Variants in TBX18 observed in about 807,000 individuals in gnomAD.
TBX18 encodes the protein T-box transcription factor TBX18.
In TBX18, 21 loss-of-function variants were observed where a neutral mutation model predicts 55.0. The observed-to-expected ratio is 0.38, with a 90% confidence interval of 0.27 to 0.55. The LOEUF (loss-of-function observed/expected upper bound fraction) is 0.55, where lower values mean the gene tolerates loss of function less well. Ranked by LOEUF, TBX18 falls within the 20% of genes least tolerant of loss-of-function variation. The pLI is 0.73. For missense variants in TBX18, 840 were observed against 799.6 expected (o/e 1.05, Z -0.61); for synonymous variants, 342 against 326.1 (o/e 1.05, Z -0.53).
chr6:84,736,533 C>T lies in TBX18; in HGVS notation c.*152G>A, dbSNP rs1773948058. 1.2e-6 allele frequency: 1 copy of T among 813,572 alleles called. No individual in the cohort carries two copies. The highest frequency in any genetic ancestry group is 1.8e-6 in the Non-Finnish European group (1 of 552,534). 50.4% of individuals were successfully genotyped at this position (813,572 alleles called of 1,614,324 possible). A position where few individuals can be genotyped will look rare whatever the true frequency, so the allele number is the denominator to read the frequency against. ...TATATACCATAGATAATTACAATCTCACCATGATAAAGTCAAAAAACCCAG... is the reference window on the plus strand; with the variant it reads ...TATATACCATAGATAATTACAATCTTACCATGATAAAGTCAAAAAACCCAG... On this transcript the variant is annotated 3_prime_UTR_variant, in exon 8 of 8. Transcript: ENST00000369663.
chr6:84,743,436 T>C (rs917793342), intron 6 of TBX18, among the ~76,000 whole-genome samples: 4 of 152,322 alleles, frequency 2.6e-5, no homozygotes, highest in African/African-American at 4.8e-5. Context: ...AATAATTTCA[T>C]GAGTAAAGTC....
chr6:84,758,894 A>C (rs1767569334), intron 3 of TBX18, among the ~76,000 whole-genome samples: 1 of 152,206 alleles, frequency 6.6e-6, no homozygotes, highest in African/African-American at 2.4e-5. Flanking sequence ...CTGACATCTT[A>C]ATACTAATTT....
chr6:84,757,412 C>G (rs1285711952), intron 3 of TBX18, among the ~76,000 whole-genome samples: 11 of 152,068 alleles, frequency 7.2e-5, no homozygotes, highest in Non-Finnish European at 1.5e-4. Flanking sequence ...AATGTTTTAT[C>G]TGTTATCATT....
At chr6:84,754,782 AC>A (rs1767443044) in intron 4 of TBX18, among the ~76,000 whole-genome samples, 1 of 152,220 alleles carries the variant, frequency 6.6e-6, no homozygotes, top group African/African-American at 2.4e-5. Context: ...AAAGTGGACT[AC>A]CCTTCATAAT....
Position 84,736,293 on chromosome 6 carries a change from T to A in TBX18, c.*392A>T, listed in dbSNP as rs112907832. The A allele has an allele frequency of 5.1e-3, 780 of 154,412 alleles. 3 individuals are homozygous for A. The highest frequency in any genetic ancestry group is 0.015 in the African/African-American group (624 of 41,622). 9.6% of individuals were successfully genotyped at this position (154,412 alleles called of 1,614,324 possible). A position where few individuals can be genotyped will look rare whatever the true frequency, so the allele number is the denominator to read the frequency against. On this transcript the variant is annotated 3_prime_UTR_variant, in exon 8 of 8. Coordinates refer to ENST00000369663, the MANE Select transcript of TBX18 (RefSeq NM_001080508.3). ...CTGCTGGTTATCAATACATCAAGTA[T>A]GAAACCGTTTAGAGCATTTTTCTGA... is the stretch of plus-strand genomic sequence containing the variant.
At chr6:84,738,229 C>A (rs1213030310) in intron 7 of TBX18, among the ~76,000 whole-genome samples, 1 of 152,048 alleles carries the variant, frequency 6.6e-6, no homozygotes, top group Non-Finnish European at 1.5e-5. Context: ...CATCAGAGCA[C>A]CTCTAATTTT....
chr6:84,743,081 A>ATGTG (rs2127873410), intron 6 of TBX18, among the ~76,000 whole-genome samples: 1 of 152,304 alleles, frequency 6.6e-6, no homozygotes, highest in South Asian at 2.1e-4. Flanking sequence ...GACAACTTTC[A>ATGTG]TGTGTTAGGA....
rs537759635 is a variant in TBX18, at chr6:84,736,951, T to C, written c.1558A>G (p.Thr520Ala). The stretch of plus-strand genomic sequence containing the variant: ...GCACAGGGGCTGTGTAATCTAAAAG[T>C]ATTATAGGAACCCTGATGGGTCTGG... ...TNQTHQGSYN[T>A]FRLHSPCALY... Residue 520 changes from threonine (T) to alanine (A), a missense_variant, in exon 8 of 8, where the codon ACT becomes GCT. By Grantham distance (58) the Thr-to-Ala change is moderately conservative. Transcript: ENST00000369663. 1.4e-5 allele frequency: 22 copies of C among 1,608,930 alleles called. No individual in the cohort carries two copies. In the Admixed American group the frequency reaches 3.7e-4, roughly 27 times the overall value.
chr6:84,756,297 T>C (rs1414051466), intron 4 of TBX18, among the ~76,000 whole-genome samples: 6 of 152,202 alleles, frequency 3.9e-5, no homozygotes, highest in Admixed American at 3.9e-4. Flanking sequence ...AGACAATTAC[T>C]GAGAAGCAAT....
chr6:84,763,540 T>C (rs1767718318), intron 1 of TBX18: 2 of 526,114 alleles, frequency 3.8e-6, no homozygotes, highest in African/African-American at 1.9e-5. Context: ...CTCCCCGCCC[T>C]GTGCTTTTAA....
chr6:84,757,137 T>C (rs748780478), intron 3 of TBX18, among the ~76,000 whole-genome samples: 1 of 152,240 alleles, frequency 6.6e-6, no homozygotes, highest in African/African-American at 2.4e-5. Flanking sequence ...TTCATTCTTA[T>C]GAATGACACT....
intron 6 of TBX18, chr6:84,741,661 A>G (rs1436416259): frequency 6.6e-6 from 1 of 152,194 alleles, no homozygotes; most frequent in Non-Finnish European, 1.5e-5. Context: ...TTTCATGTAC[A>G]GGGTCGGGGA....
At chr6:84,756,346 A>C (rs1767486420) in intron 4 of TBX18, among the ~76,000 whole-genome samples, 1 of 152,208 alleles carries the variant, frequency 6.6e-6, no homozygotes, top group African/African-American at 2.4e-5. Context: ...GCAGGACACA[A>C]TAAATCATTA....
chr6:84,756,949 G>C lies in TBX18; in HGVS notation c.600-80C>G, dbSNP rs1767508077. On this transcript the variant is annotated intron_variant, in intron 3 of 7. Transcript: ENST00000369663. ...CTCAGTAGAATCAGACAAAATGTGTGCCTATTTTGTTTCAGTTTTAAAATA... is the reference window on the plus strand; with the variant it reads ...CTCAGTAGAATCAGACAAAATGTGTCCCTATTTTGTTTCAGTTTTAAAATA... The C allele has an allele frequency of 2.3e-6, 3 of 1,296,412 alleles. No homozygotes were observed. In the South Asian group the frequency reaches 4.4e-5, roughly 19 times the overall value. The allele number at this position is 1,296,412 out of a possible 1,614,324, so 80.3% of individuals were successfully genotyped here. A position where few individuals can be genotyped will look rare whatever the true frequency, so the allele number is the denominator to read the frequency against.
rs779412997 is a variant in TBX18 at position 84,764,188 on chromosome 6, C to T, written c.-7G>A. 6.9e-7 allele frequency: 1 copy of T among 1,441,380 alleles called. No individual in the cohort carries two copies. The highest frequency in any genetic ancestry group is 9.0e-7 in the Non-Finnish European group (1 of 1,105,706). The allele number at this position is 1,441,380 out of a possible 1,614,324, so 89.3% of individuals were successfully genotyped here. On this transcript the variant is annotated 5_prime_UTR_variant, in exon 1 of 8. Coordinates refer to ENST00000369663, the MANE Select transcript of TBX18 (RefSeq NM_001080508.3). ...CCCTTCGCTTCTCGGCCATCCCCCC[C>T]GCCCCGCGCCCGCCCGCCCCTCTCT... is the stretch of plus-strand genomic sequence containing the variant.
intron 3 of TBX18, among the ~76,000 whole-genome samples, chr6:84,759,350 T>A (rs1767583980): frequency 6.6e-6 from 1 of 152,072 alleles, no homozygotes; most frequent in Admixed American, 6.5e-5. Flanking sequence ...AAAAAACAAA[T>A]CTGATTTTGT....
chr6:84,757,208 C>T (rs1036817554), intron 3 of TBX18, among the ~76,000 whole-genome samples: 2 of 152,148 alleles, frequency 1.3e-5, no homozygotes, highest in African/African-American at 4.8e-5. Context: ...ATTCCATCGA[C>T]ACGAAAAAAC....
rs1050741552 is a variant in TBX18, at chr6:84,747,976, C to A, written c.883G>T (p.Ala295Ser). 5.6e-6 allele frequency: 9 copies of A among 1,613,316 alleles called. No individual in the cohort carries two copies. Among genetic ancestry groups the A allele is most frequent in the Non-Finnish European group, 7.6e-6 (9 of 1,179,440 alleles). The stretch of plus-strand genomic sequence containing the variant: ...AAGACAGTTTCTGGAAAGGAGAATG[C>A]CTTTACTCCCTCCCCGGATGGAACA... ...KPVPSGEGVKAFSFPETVFTT... is the reference protein window; with the variant it reads ...KPVPSGEGVKSFSFPETVFTT... The change falls in exon 5 of 8, where the codon GCA (alanine) becomes TCA (serine). Residue 295 changes from alanine (A) to serine (S), a missense_variant. By Grantham distance (99) the Ala-to-Ser change is moderately conservative (BLOSUM62 1). Transcript: ENST00000369663.
intron 1 of TBX18, chr6:84,763,074 G>A (rs1767700312): frequency 4.4e-6 from 2 of 451,410 alleles, no homozygotes; most frequent in African/African-American, 2.0e-5. Context: ...CCGCCGCCGG[G>A]GTCTGGGACG....
Sources: gnomAD v4.1 joint callset for allele counts (sites outside exome capture counted in the v4.1 genomes callset) on GRCh38, gnomAD v4.1.1 for gene constraint, MANE v1.5 for transcripts, NCBI Gene and HGNC (gene_info 2026-07-23, HGNC 2026-07-21) for gene names.